FHIT: variants seen among roughly 807,000 people sequenced by gnomAD.
FHIT encodes the protein fragile histidine triad diadenosine triphosphatase, also known as bis(5'-adenosyl)-triphosphatase.
FHIT carries 19 observed loss-of-function variants against 17.9 expected under a neutral mutation model. The ratio of observed to expected loss-of-function variants is 1.06; its 90% CI spans 0.74 to 1.56. FHIT has a LOEUF of 1.56. Among genes scored for constraint, FHIT ranks in the 40% most tolerant of loss-of-function variants. The pLI, the probability that FHIT is intolerant of heterozygous loss-of-function variation, is 0.00. For missense variants in FHIT, 248 were observed against 189.2 expected, an observed-to-expected ratio of 1.31 and a Z score of -1.82; for synonymous variants, 81 against 69.7, an observed-to-expected ratio of 1.16 and a Z score of -0.81.
chr3:60,885,489 C>G (rs1163733950), intron 3 of FHIT, among the ~76,000 whole-genome samples: 1 of 152,054 alleles, frequency 6.6e-6, no homozygotes, highest in African/African-American at 2.4e-5. Flanking sequence ...GACTTATGAG[C>G]AATAATAAGT....
At chr3:60,555,861 T>C (rs1469607163) in intron 4 of FHIT, among the ~76,000 whole-genome samples, 10 of 152,330 alleles carry the variant, frequency 6.6e-5, no homozygotes, top group Admixed American at 1.3e-4. Context: ...CATTTCTGTC[T>C]GCAGGCAAGC....
At chr3:60,851,861 A>G (rs750815617) in intron 3 of FHIT, among the ~76,000 whole-genome samples, 8 of 152,164 alleles carry the variant, frequency 5.3e-5, no homozygotes, top group African/African-American at 9.7e-5. Flanking sequence ...GTAATATTTT[A>G]TACATATTTT....
intron 4 of FHIT, among the ~76,000 whole-genome samples, chr3:60,738,164 C>T (rs192232147): frequency 8.5e-4 from 129 of 152,222 alleles, no homozygotes; most frequent in Non-Finnish European, 1.5e-3. Context: ...AAGCAGATCG[C>T]ATGAAAGACC....
chr3:60,043,962 T>A (rs1701549186), intron 5 of FHIT, among the ~76,000 whole-genome samples: 1 of 152,290 alleles, frequency 6.6e-6, no homozygotes, highest in South Asian at 2.1e-4. Context: ...ACGTGGTGAG[T>A]GATATTTGAA....
At chr3:61,207,352 T>A (rs2039278532) in intron 1 of FHIT, among the ~76,000 whole-genome samples, 2 of 152,194 alleles carry the variant, frequency 1.3e-5, no homozygotes, top group African/African-American at 4.8e-5. Context: ...TTAGGGAGGA[T>A]TTCCTCTTTT....
chr3:60,672,909 A>ATGTGTG (rs1559630040), intron 4 of FHIT, among the ~76,000 whole-genome samples: 24 of 145,804 alleles, frequency 1.6e-4, no homozygotes, highest in Admixed American at 1.4e-3. Context: ...GTGTGTGTGC[A>ATGTGTG]TGCATGCTCT....
intron 2 of FHIT, among the ~76,000 whole-genome samples, chr3:61,070,923 A>G (rs2034784735): frequency 6.6e-6 from 1 of 152,200 alleles, no homozygotes; most frequent in South Asian, 2.1e-4. Flanking sequence ...CATTATCATA[A>G]AAGTTAAAAT....
intron 5 of FHIT, among the ~76,000 whole-genome samples, chr3:60,517,510 G>A (rs553870725): frequency 6.6e-6 from 1 of 152,264 alleles, no homozygotes; most frequent in African/African-American, 2.4e-5. Context: ...ATATTACTAT[G>A]AATTTTTTGC....
chr3:60,649,033 A>G (rs1286336363), intron 4 of FHIT, among the ~76,000 whole-genome samples: 2 of 152,252 alleles, frequency 1.3e-5, no homozygotes, highest in African/African-American at 2.4e-5. Flanking sequence ...TATTATTGAC[A>G]TAGAAATTCC....
chr3:60,621,271 C>G (rs1279466156), intron 4 of FHIT, among the ~76,000 whole-genome samples: 2 of 151,370 alleles, frequency 1.3e-5, no homozygotes, highest in African/African-American at 4.9e-5. Context: ...ACCTCAGCCT[C>G]CCAAGTACCT....
At chr3:60,137,813 G>T (rs761801386) in intron 5 of FHIT, among the ~76,000 whole-genome samples, 8 of 152,150 alleles carry the variant, frequency 5.3e-5, no homozygotes, top group Non-Finnish European at 1.2e-4. Flanking sequence ...ATGATAAAAA[G>T]AAAGTGACAA....
intron 5 of FHIT, among the ~76,000 whole-genome samples, chr3:60,107,240 A>T (rs1161383935): frequency 6.7e-6 from 1 of 149,024 alleles, no homozygotes; most frequent in Non-Finnish European, 1.5e-5. Context: ...GCATAGATAA[A>T]ACTTTGCAGT....
chr3:61,093,451 AT>A (rs2035546071), intron 2 of FHIT, among the ~76,000 whole-genome samples: 1 of 152,156 alleles, frequency 6.6e-6, no homozygotes, highest in Non-Finnish European at 1.5e-5. Context: ...TACAATACAG[AT>A]GACAAGCCCC....
intron 7 of FHIT, among the ~76,000 whole-genome samples, chr3:59,961,765 G>A (rs1707696737): frequency 6.6e-6 from 1 of 152,196 alleles, no homozygotes; most frequent in South Asian, 2.1e-4. Context: ...CAGTCCCAGT[G>A]AGATGAGCCA....
chr3:60,111,069 A>G (rs1156874789), intron 5 of FHIT, among the ~76,000 whole-genome samples: 1 of 152,198 alleles, frequency 6.6e-6, no homozygotes, highest in East Asian at 1.9e-4. Context: ...TACTGAGTAC[A>G]CTACAGAGTG....
At chr3:61,156,547 G>A (rs2037539380) in intron 2 of FHIT, among the ~76,000 whole-genome samples, 1 of 151,906 alleles carries the variant, frequency 6.6e-6, no homozygotes, top group African/African-American at 2.4e-5. Flanking sequence ...GGTTTGCCAT[G>A]TATACCTAGC....
intron 2 of FHIT, among the ~76,000 whole-genome samples, chr3:61,065,869 C>T (rs2034590802): frequency 6.6e-6 from 1 of 152,114 alleles, no homozygotes; most frequent in Admixed American, 6.5e-5. Flanking sequence ...CCATTACAGA[C>T]CTAGATGCCT....
rs1008359260 is a variant in FHIT, at chr3:61,173,364, A to T, written c.-164+27253T>A. On this transcript the variant is annotated intron_variant, in intron 2 of 9. Transcript: ENST00000492590. Reference sequence around the variant, plus strand: ...CTATCACTCCAAAATGTGCTGTATAATTTATTTGACAGTCACTGTGCTTGC... The same window carrying T: ...CTATCACTCCAAAATGTGCTGTATATTTTATTTGACAGTCACTGTGCTTGC... Among the ~76,000 whole-genome samples the T allele has an allele frequency of 9.8e-5, 15 of 152,318 alleles. No homozygotes were observed. In the South Asian group the frequency reaches 3.1e-3, roughly 32 times the overall value.
intron 2 of FHIT, among the ~76,000 whole-genome samples, chr3:61,132,206 T>C (rs2036783728): frequency 1.3e-5 from 2 of 152,220 alleles, no homozygotes; most frequent in Admixed American, 6.5e-5. Context: ...TTCACTTGAT[T>C]GCTGAAGGAA....
Sources: gnomAD v4.1 joint callset for allele counts (sites outside exome capture counted in the v4.1 genomes callset) on GRCh38, gnomAD v4.1.1 for gene constraint, MANE v1.5 for transcripts, NCBI Gene and HGNC (gene_info 2026-07-23, HGNC 2026-07-21) for gene names.